Variants in RETREG3 observed in about 807,000 individuals in gnomAD.
RETREG3 encodes reticulophagy regulator family member 3, also known as reticulophagy regulator 3.
In RETREG3, 23 loss-of-function variants were observed where a neutral mutation model predicts 50.2. The observed-to-expected ratio is 0.46, with a 90% CI of 0.33 to 0.65. The LOEUF (loss-of-function observed/expected upper bound fraction) is 0.65, where lower values mean the gene tolerates loss of function less well. Among genes scored for constraint, RETREG3 ranks in the 30% least tolerant of loss-of-function variants. The pLI is 0.02. For missense variants in RETREG3, 546 were observed against 598.0 expected, an observed-to-expected ratio of 0.91 and a Z score of 0.91; for synonymous variants, 240 against 234.4, an observed-to-expected ratio of 1.02 and a Z score of -0.22.
Position 42,581,305 on chromosome 17 carries a change from T to C in RETREG3, c.*508A>G, listed in dbSNP as rs367821588. ...ACCTCTTCAACCTGGAAGGCAGACG[T>C]TGCAGAAAGCCAAGATCACACCACT... On this transcript the variant is annotated 3_prime_UTR_variant, in exon 9 of 9. Transcript: ENST00000309428. 6.6e-6 allele frequency: 1 copy of C among 151,516 alleles called. No individual in the cohort carries two copies. The highest frequency in any genetic ancestry group is 2.1e-4 in the South Asian group (1 of 4,768). 9.4% of individuals were successfully genotyped at this position (151,516 alleles called of 1,614,324 possible).
chr17:42,592,217 G>T, intron 1 of RETREG3, 55 bp from the exon 2 acceptor site: 1 of 1,486,148 alleles, frequency 6.7e-7, no homozygotes, highest in South Asian at 1.2e-5. Flanking sequence ...CCTAATTTCA[G>T]AAAAGGCCAC....
At chr17:42,586,922 G>T in intron 3 of RETREG3, 31 bp from the exon 4 acceptor site, 2 of 1,610,548 alleles carry the variant, frequency 1.2e-6, no homozygotes, top group Non-Finnish European at 1.7e-6. Flanking sequence ...AGCTGTGAAA[G>T]GAGGGTGTTG....
intron 8 of RETREG3, 34 bp from the exon 9 acceptor site, chr17:42,582,304 C>G (rs1462256278): frequency 6.4e-7 from 1 of 1,561,530 alleles, no homozygotes; most frequent in Non-Finnish European, 8.6e-7. Context: ...AGTCATGGCA[C>G]CTACCTGGCC....
intron 6 of RETREG3, among the ~76,000 whole-genome samples, chr17:42,584,672 G>A (rs192700096): frequency 6.6e-6 from 1 of 151,934 alleles, no homozygotes; most frequent in Non-Finnish European, 1.5e-5. Flanking sequence ...GATAGATGTG[G>A]TGACACATGC....
rs1555628233 is a variant in RETREG3 at position 42,581,048 on chromosome 17, A to AAG, written c.*764_*765insCT. ...AGAGAGACTCTGTCTCAAAAAAAAAAAAAAGAAAAGAAAAGAAAAGAAAAA... is the reference window on the plus strand; with the variant it reads ...AGAGAGACTCTGTCTCAAAAAAAAAAAGAAAAGAAAAGAAAAGAAAAGAAAAA... On this transcript the variant is annotated 3_prime_UTR_variant, in exon 9 of 9. Transcript: ENST00000309428. 1.7e-5 allele frequency: 2 copies of AAG among 117,930 alleles called. No individual in the cohort carries two copies. Among genetic ancestry groups the AAG allele is most frequent in the Non-Finnish European group, 1.7e-5 (1 of 60,242 alleles). The allele number at this position is 117,930 out of a possible 1,614,324, so 7.3% of individuals were successfully genotyped here.
At chr17:42,582,652 T>G (rs2093111995) in intron 8 of RETREG3, 22 bp downstream of exon 8, 5 of 1,613,834 alleles carry the variant, frequency 3.1e-6, no homozygotes, top group Non-Finnish European at 4.2e-6. Flanking sequence ...CATTATCAAC[T>G]GAGGTCAAAG....
intron 2 of RETREG3, 118 bp downstream of exon 2, chr17:42,591,938 G>T: frequency 1.2e-6 from 1 of 829,582 alleles, no homozygotes; most frequent in Non-Finnish European, 1.8e-6. Context: ...AAATGATTCA[G>T]ACTTCAAAAG....
chr17:42,585,245 A>G lies in RETREG3; in HGVS notation c.607T>C (p.Trp203Arg). ...AGTCGGTGGTACACAGCAAGGGGCC[A>G]CATCATGACAGTGACAACTGTGAGG... ...SYLMLVTVMM[W>R]PLAVYHRLWD... Residue 203 changes from tryptophan to arginine, a missense_variant, in exon 6 of 9, where the codon TGG becomes CGG. Coordinates refer to ENST00000309428, the MANE Select transcript of RETREG3 (RefSeq NM_178126.4). 6.2e-7 allele frequency: 1 copy of G among 1,613,890 alleles called. No individual in the cohort carries two copies. Among genetic ancestry groups the G allele is most frequent in the Non-Finnish European group, 8.5e-7 (1 of 1,179,920 alleles).
At chr17:42,587,744 G>A in intron 3 of RETREG3, 90 bp downstream of exon 3, 2 of 1,498,678 alleles carry the variant, frequency 1.3e-6, no homozygotes. Context: ...TACACTGTGT[G>A]TCCAGAACAT....
intron 1 of RETREG3, chr17:42,599,016 C>T (rs2093153442): frequency 6.6e-6 from 1 of 152,110 alleles, no homozygotes; most frequent in Non-Finnish European, 1.5e-5. Flanking sequence ...ATATCCTTTC[C>T]CTACCCTAGT....
In RETREG3 at chr17:42,586,892, C is replaced by A; in HGVS notation, c.378-1G>T. On this transcript the variant is annotated splice_acceptor_variant, in intron 3 of 8. Transcript: ENST00000309428. LOFTEE classifies it high-confidence loss of function. ...CAACCGAGGGTGCACAAAGCCCCAG[C>A]TATGGGAGAGAGAAGGGGGAGCTGT... The A allele has an allele frequency of 6.2e-7, 1 of 1,613,486 alleles. No individual in the cohort carries two copies. Among genetic ancestry groups the A allele is most frequent in the South Asian group, 1.1e-5 (1 of 91,044 alleles).
At chr17:42,583,069 T>A (rs1376011904) in intron 7 of RETREG3, among the ~76,000 whole-genome samples, 1 of 152,118 alleles carries the variant, frequency 6.6e-6, no homozygotes, top group Non-Finnish European at 1.5e-5. Context: ...CATAACCTCT[T>A]AAGCACAGGA....
chr17:42,582,866 G>A, intron 7 of RETREG3, 60 bp from the exon 8 acceptor site: 2 of 1,603,574 alleles, frequency 1.2e-6, no homozygotes, highest in South Asian at 2.2e-5. Context: ...TAGTCACCAG[G>A]TACAGCTTTA....
chr17:42,599,937 C>T (rs1055856821), intron 1 of RETREG3, among the ~76,000 whole-genome samples: 3 of 151,062 alleles, frequency 2.0e-5, no homozygotes, highest in East Asian at 2.0e-4. Context: ...GAGGTTGCAG[C>T]GAGCCGTTAT....
intron 1 of RETREG3, among the ~76,000 whole-genome samples, chr17:42,606,411 C>T (rs2093167865): frequency 6.6e-6 from 1 of 151,050 alleles, no homozygotes; most frequent in Non-Finnish European, 1.5e-5. Flanking sequence ...TCCTGGCTAA[C>T]ACGGTGAAAT....
At position 42,581,709 on chromosome 17, in the gene RETREG3, T is replaced by C. The variant is rs1679242093; in HGVS notation, c.*104A>G. The stretch of plus-strand genomic sequence containing the variant: ...AGCCAGGCCACCCAGCATACAAATA[T>C]AATTCAGGGGAGGGGAGCTGAGTTC... On this transcript the variant is annotated 3_prime_UTR_variant, in exon 9 of 9. Coordinates refer to ENST00000309428, the MANE Select transcript of RETREG3 (RefSeq NM_178126.4). 4 of 1,077,960 alleles carry C rather than the reference T, an allele frequency of 3.7e-6. No homozygotes were observed. Among genetic ancestry groups the C allele is most frequent in the African/African-American group, 1.6e-5 (1 of 62,482 alleles). The allele number at this position is 1,077,960 out of a possible 1,614,324, so 66.8% of individuals were successfully genotyped here.
chr17:42,597,579 GTGTATATATATATATATATATATATA>G (rs1567925289), intron 1 of RETREG3, among the ~76,000 whole-genome samples: 1 of 6,586 alleles, frequency 1.5e-4, no homozygotes, highest in East Asian at 3.4e-3. Context: ...TATATTTTGT[GTGTATATATATATATATATATATATA>G]TATATATATA....
At chr17:42,583,306 G>C (rs897510618) in intron 7 of RETREG3, among the ~76,000 whole-genome samples, 192 bp downstream of exon 7, 3 of 151,966 alleles carry the variant, frequency 2.0e-5, no homozygotes, top group African/African-American at 4.8e-5. Flanking sequence ...TTGAGACCTA[G>C]GTTGATTACA....
At chr17:42,592,473 C>T (rs1353716053) in intron 1 of RETREG3, among the ~76,000 whole-genome samples, 1 of 152,198 alleles carries the variant, frequency 6.6e-6, no homozygotes, top group Admixed American at 6.5e-5. Flanking sequence ...TCCTTGATAA[C>T]AAGTTGTTAT....
Sources: gnomAD v4.1 joint callset for allele counts (sites outside exome capture counted in the v4.1 genomes callset) on GRCh38, gnomAD v4.1.1 for gene constraint, MANE v1.5 for transcripts, NCBI Gene and HGNC (gene_info 2026-07-23, HGNC 2026-07-21) for gene names.